AKAP7: variants seen among roughly 807,000 people sequenced by gnomAD.
AKAP7 encodes A-kinase anchoring protein 7, also known as A kinase (PRKA) anchor protein 7.
Under a neutral mutation model 39.5 loss-of-function variants are expected in AKAP7, and 39 were observed. The ratio of observed to expected loss-of-function variants is 0.99; its 90% CI spans 0.76 to 1.29. AKAP7 has a LOEUF of 1.29. AKAP7 is among the 50% of genes most tolerant of loss of function. AKAP7 has a pLI of 0.00. For missense variants in AKAP7, 414 were observed against 407.7 expected (o/e 1.02, Z -0.13); for synonymous variants, 140 against 139.1 (o/e 1.01, Z -0.05).
At position 131,207,491 on chromosome 6, in the gene AKAP7, A is replaced by ATTTTTT. The variant is rs531582478; in HGVS notation, c.702+7939_702+7944dup. On this transcript the variant is annotated intron_variant, in intron 6 of 7. Coordinates refer to ENST00000431975, the MANE Select transcript of AKAP7 (RefSeq NM_016377.4). ...TGCACACCATGCCTGGCTAATTAAA[A>ATTTTTT]TTTTTTTTTTTTTTTTTTTTTTTTT... is the stretch of plus-strand genomic sequence containing the variant. 3.8e-3 allele frequency among the ~76,000 whole-genome samples: 300 copies of ATTTTTT among 78,790 alleles called. 20 individuals carry two copies. Among genetic ancestry groups the ATTTTTT allele is most frequent in the Non-Finnish European group, 6.1e-3 (238 of 39,024 alleles). The allele number at this position is 78,790 out of a possible 152,430, so 51.7% of individuals were successfully genotyped here. A position where few individuals can be genotyped will look rare whatever the true frequency, so the allele number is the denominator to read the frequency against.
intron 7 of AKAP7, among the ~76,000 whole-genome samples, chr6:131,262,798 A>ATGTT (rs1813461548): frequency 6.6e-6 from 1 of 152,182 alleles, no homozygotes; most frequent in Non-Finnish European, 1.5e-5. Context: ...GTGTTCTGCA[A>ATGTT]TGTTATAGTA....
chr6:131,235,105 T>G (rs529531775), intron 7 of AKAP7, among the ~76,000 whole-genome samples: 20 of 152,182 alleles, frequency 1.3e-4, no homozygotes, highest in Middle Eastern at 3.4e-3. Context: ...CCCCTTCCTG[T>G]GTCTATGTGT....
chr6:131,253,254 A>G, intron 7 of AKAP7: 2 of 760,972 alleles, frequency 2.6e-6, no homozygotes, highest in Non-Finnish European at 2.1e-6. Flanking sequence ...TGATTTTTTT[A>G]AATCAACTAG....
intron 5 of AKAP7, among the ~76,000 whole-genome samples, chr6:131,178,158 A>G (rs1804756852): frequency 6.6e-6 from 1 of 152,200 alleles, no homozygotes; most frequent in Non-Finnish European, 1.5e-5. Flanking sequence ...CTTCAGTAGC[A>G]CGAGCACAAT....
At chr6:131,240,661 G>A (rs1362053795) in intron 7 of AKAP7, among the ~76,000 whole-genome samples, 1 of 152,176 alleles carries the variant, frequency 6.6e-6, no homozygotes, top group Non-Finnish European at 1.5e-5. Flanking sequence ...TCAGACTGCT[G>A]TGCTAGCAAT....
At chr6:131,219,120 A>G (rs1418062040) in intron 6 of AKAP7, among the ~76,000 whole-genome samples, 1 of 151,806 alleles carries the variant, frequency 6.6e-6, no homozygotes, top group African/African-American at 2.4e-5. Flanking sequence ...TACAAAAAAT[A>G]TTTTTTTGTG....
At chr6:131,242,325 T>C (rs890221136) in intron 7 of AKAP7, 1 of 497,326 alleles carries the variant, frequency 2.0e-6, no homozygotes, top group Non-Finnish European at 2.6e-6. Context: ...CGGAAGCTTT[T>C]ACTTAAGCAG....
intron 5 of AKAP7, among the ~76,000 whole-genome samples, chr6:131,195,698 T>C (rs1280791937): frequency 6.6e-6 from 1 of 152,224 alleles, no homozygotes; most frequent in Non-Finnish European, 1.5e-5. Flanking sequence ...GTTTGAAGGC[T>C]ATTTTTATCA....
At chr6:131,218,030 A>G (rs552482912) in intron 6 of AKAP7, among the ~76,000 whole-genome samples, 8 of 152,302 alleles carry the variant, frequency 5.3e-5, no homozygotes, top group African/African-American at 1.9e-4. Context: ...CACTAATGAT[A>G]ATGACTGTGT....
intron 7 of AKAP7, among the ~76,000 whole-genome samples, chr6:131,278,989 G>A (rs1814979130): frequency 6.6e-6 from 1 of 152,180 alleles, no homozygotes; most frequent in South Asian, 2.1e-4. Flanking sequence ...GTGGTGGGCA[G>A]GCAGCCAGGA....
At chr6:131,161,603 C>T in intron 3 of AKAP7, among the ~76,000 whole-genome samples, 1 of 120,884 alleles carries the variant, frequency 8.3e-6, no homozygotes, top group Non-Finnish European at 1.6e-5. Context: ...CAAGGTTGTG[C>T]CACTGCACTC....
intron 2 of AKAP7, among the ~76,000 whole-genome samples, chr6:131,152,501 G>T (rs1319593356): frequency 1.3e-5 from 2 of 152,186 alleles, no homozygotes; most frequent in Non-Finnish European, 2.9e-5. Flanking sequence ...AAACTTTACA[G>T]ATAAAATCAG....
chr6:131,256,502 G>A (rs1362304019), intron 7 of AKAP7, among the ~76,000 whole-genome samples: 1 of 152,092 alleles, frequency 6.6e-6, no homozygotes, highest in Non-Finnish European at 1.5e-5. Context: ...ATGAGGAATA[G>A]CAAGGTTGTA....
intron 7 of AKAP7, among the ~76,000 whole-genome samples, chr6:131,264,498 C>T (rs77145795): frequency 0.017 from 2,641 of 152,262 alleles, 41 homozygotes; most frequent in Non-Finnish European, 0.024. Flanking sequence ...AACACTGTTT[C>T]AAGAAATATA....
intron 7 of AKAP7, among the ~76,000 whole-genome samples, chr6:131,251,147 C>T (rs968484849): frequency 4.6e-5 from 7 of 152,152 alleles, no homozygotes; most frequent in African/African-American, 1.7e-4. Flanking sequence ...CAAGTGATGC[C>T]GCTTTGCTTC....
chr6:131,189,026 G>A (rs1806147706), intron 5 of AKAP7, among the ~76,000 whole-genome samples: 1 of 152,154 alleles, frequency 6.6e-6, no homozygotes, highest in South Asian at 2.1e-4. Flanking sequence ...CCTTGAATGT[G>A]CCCACAACAC....
At chr6:131,196,329 A>G (rs914189611) in intron 5 of AKAP7, among the ~76,000 whole-genome samples, 3 of 148,062 alleles carry the variant, frequency 2.0e-5, no homozygotes, top group African/African-American at 7.5e-5. Context: ...GCAATGGTGC[A>G]ATCTCAGCTC....
chr6:131,133,074 A>C (rs575822375), upstream of AKAP7, among the ~76,000 whole-genome samples: 66 of 152,268 alleles, frequency 4.3e-4, no homozygotes, highest in African/African-American at 1.4e-3. Flanking sequence ...CAATTATTTT[A>C]TGTCTCCTAT....
At chr6:131,139,045 A>G (rs546235323) in intron 1 of AKAP7, among the ~76,000 whole-genome samples, 8 of 152,234 alleles carry the variant, frequency 5.3e-5, no homozygotes, top group Non-Finnish European at 1.2e-4. Context: ...AAATGCTTTA[A>G]GAGTTGGTTA....
Sources: gnomAD v4.1 joint callset for allele counts (sites outside exome capture counted in the v4.1 genomes callset) on GRCh38, gnomAD v4.1.1 for gene constraint, MANE v1.5 for transcripts, NCBI Gene and HGNC (gene_info 2026-07-23, HGNC 2026-07-21) for gene names.